NCOA2: variants seen among roughly 807,000 people sequenced by gnomAD.
NCOA2 encodes the protein class E basic helix-loop-helix protein 75.
NCOA2 carries 21 observed loss-of-function variants against 145.1 expected under a neutral mutation model. That is an observed-to-expected ratio of 0.14 (90% confidence interval 0.10 to 0.21). The LOEUF is 0.21. Among genes scored for constraint, NCOA2 ranks in the 10% least tolerant of loss-of-function variants. The probability of loss-of-function intolerance (pLI) is 1.00; values close to 1 mark genes in which losing one functional copy is unlikely to be tolerated. For synonymous variants in NCOA2, 619 were observed against 637.5 expected (o/e 0.97, Z 0.44); for missense variants, 1,472 against 1,837.6 (o/e 0.80, Z 3.64).
Position 70,232,553 on chromosome 8 carries a change from C to G in NCOA2, c.-19-15789G>C, listed in dbSNP as rs559134105. On this transcript the variant is annotated intron_variant, in intron 2 of 22. Coordinates refer to ENST00000452400, the MANE Select transcript of NCOA2 (RefSeq NM_006540.4). ...TCCTGCTTAGAAAGATAGCCAACTC[C>G]ATCTTCAACATCACTTCTGGTGTCT... 2.0e-5 allele frequency among the ~76,000 whole-genome samples: 3 copies of G among 152,262 alleles called. No individual in the cohort carries two copies. The South Asian group carries it at 6.2e-4, about 32-fold the overall frequency.
intron 1 of NCOA2, among the ~76,000 whole-genome samples, chr8:70,367,890 G>A (rs1810857092): frequency 6.6e-6 from 1 of 152,094 alleles, no homozygotes; most frequent in South Asian, 2.1e-4. Context: ...ATTATTTCTA[G>A]CCCTAAAATT....
At chr8:70,453,799 A>G in the NCOA2 span, among the ~76,000 whole-genome samples, 9 of 152,228 alleles carry the variant, frequency 5.9e-5, no homozygotes, top group Non-Finnish European at 4.4e-5. Flanking sequence ...TTGCCCTCAA[A>G]GACTTTACAG....
chr8:70,126,896 G>A lies in NCOA2; in HGVS notation c.3833C>T (p.Ala1278Val), dbSNP rs1202466794. The A allele has an allele frequency of 6.2e-7, 1 of 1,613,998 alleles. No individual in the cohort carries two copies. The highest frequency in any genetic ancestry group is 8.5e-7 in the Non-Finnish European group (1 of 1,179,894). ...QGLNMTPSMVAPSGMPATMSN... is the reference protein window; with the variant it reads ...QGLNMTPSMVVPSGMPATMSN... ...CATAGTTGCTGGCATACCACTAGGA[G>A]CCACCATGCTTGGTGTCATATTCAA... The change falls in exon 19 of 23, where the codon GCT becomes GTT. Residue 1278 changes from alanine (A) to valine (V), a missense_variant. Physicochemically the swap from Ala to Val is moderately conservative, Grantham distance 64 (BLOSUM62 0). Coordinates refer to ENST00000452400, the MANE Select transcript of NCOA2 (RefSeq NM_006540.4).
intron 5 of NCOA2, among the ~76,000 whole-genome samples, chr8:70,173,767 C>T (rs1247084679): frequency 6.6e-6 from 1 of 151,790 alleles, no homozygotes; most frequent in African/African-American, 2.4e-5. Flanking sequence ...TATTGTGTGC[C>T]CCCCCTCCGC....
intron 15 of NCOA2, among the ~76,000 whole-genome samples, chr8:70,133,907 G>A (rs1181023996): frequency 6.6e-6 from 1 of 152,166 alleles, no homozygotes; most frequent in Admixed American, 6.5e-5. Context: ...CTCACCTCTA[G>A]TAACTTGGAA....
intron 6 of NCOA2, among the ~76,000 whole-genome samples, chr8:70,167,510 T>G (rs1813750813): frequency 6.6e-6 from 1 of 152,206 alleles, no homozygotes; most frequent in South Asian, 2.1e-4. Context: ...TCCCCCATAC[T>G]GCCTCCTTGG....
rs1048944963 is a variant in NCOA2, at chr8:70,112,477, G to C, written c.*1155C>G. ...AACAAAATAAAAAACACATGGCAGA[G>C]GTTAAATCTGTCGTGATATCTGCTA... On this transcript the variant is annotated 3_prime_UTR_variant, in exon 23 of 23. Coordinates refer to ENST00000452400, the MANE Select transcript of NCOA2 (RefSeq NM_006540.4). The C allele has an allele frequency of 1.5e-5, 3 of 201,342 alleles. No homozygotes were observed. The highest frequency in any genetic ancestry group is 2.3e-5 in the African/African-American group (1 of 43,532). The allele number at this position is 201,342 out of a possible 1,614,324, so 12.5% of individuals were successfully genotyped here. A position where few individuals can be genotyped will look rare whatever the true frequency, so the allele number is the denominator to read the frequency against.
intron 2 of NCOA2, chr8:70,273,799 T>A (rs1825253625): frequency 1.7e-6 from 1 of 577,914 alleles, no homozygotes; most frequent in Non-Finnish European, 3.3e-6. Flanking sequence ...GTTCCAGATC[T>A]TGTGGAGAAT....
chr8:70,189,896 G>C (rs1816494413), intron 4 of NCOA2, among the ~76,000 whole-genome samples: 1 of 152,180 alleles, frequency 6.6e-6, no homozygotes, highest in African/African-American at 2.4e-5. Flanking sequence ...CTTGTTTGGA[G>C]AGTATAGGAA....
chr8:70,328,724 CTT>C (rs1287585511), intron 1 of NCOA2, among the ~76,000 whole-genome samples: 1 of 152,028 alleles, frequency 6.6e-6, no homozygotes, highest in African/African-American at 2.4e-5. Context: ...TAAAAAATAA[CTT>C]TTCATTTGCA....
chr8:70,353,706 A>G (rs940816720), intron 1 of NCOA2, among the ~76,000 whole-genome samples: 17 of 151,934 alleles, frequency 1.1e-4, no homozygotes, highest in African/African-American at 3.6e-4. Context: ...ATCAATACCA[A>G]TAACAATGGC....
chr8:70,335,143 AAAAAAAAAAAG>A (rs1389079999), intron 1 of NCOA2, among the ~76,000 whole-genome samples: 4 of 149,498 alleles, frequency 2.7e-5, no homozygotes, highest in South Asian at 2.1e-4. Flanking sequence ...AAAAAAAAAA[AAAAAAAAAAAG>A]ATCTCTCCCT....
intron 10 of NCOA2, among the ~76,000 whole-genome samples, chr8:70,159,242 A>ATATATATATATATATATAT: frequency 1.6e-5 from 1 of 61,076 alleles, no homozygotes; most frequent in African/African-American, 5.4e-5. Context: ...ATATATATAT[A>ATATATATATATATATATAT]TTTTTTTTTT....
At chr8:70,177,143 T>C (rs903687709) in intron 4 of NCOA2, among the ~76,000 whole-genome samples, 12 of 152,158 alleles carry the variant, frequency 7.9e-5, no homozygotes, top group African/African-American at 2.7e-4. Context: ...CATCTTTCAG[T>C]AGCAGCAGTG....
intron 1 of NCOA2, among the ~76,000 whole-genome samples, chr8:70,363,086 A>G (rs1483837744): frequency 2.7e-5 from 4 of 148,964 alleles, no homozygotes; most frequent in Middle Eastern, 3.4e-3. Context: ...CTTTAAAAAA[A>G]AAAAAAAAAA....
At chr8:70,344,333 T>C (rs771949785) in intron 1 of NCOA2, among the ~76,000 whole-genome samples, 1 of 152,172 alleles carries the variant, frequency 6.6e-6, no homozygotes, top group Non-Finnish European at 1.5e-5. Flanking sequence ...AAGATAGACA[T>C]GGGTAAGGAA....
the NCOA2 span, among the ~76,000 whole-genome samples, chr8:70,444,187 A>G: frequency 6.6e-6 from 1 of 152,250 alleles, no homozygotes; most frequent in South Asian, 2.1e-4. Context: ...ACTAAGCATT[A>G]ATAGAGTCAA....
intron 2 of NCOA2, among the ~76,000 whole-genome samples, chr8:70,295,610 C>A (rs887741247): frequency 6.6e-6 from 1 of 152,030 alleles, no homozygotes; most frequent in Admixed American, 6.5e-5. Flanking sequence ...GAGCTATATA[C>A]CTTAAGTTCA....
At chr8:70,314,745 A>G (rs1444438788) in intron 1 of NCOA2, among the ~76,000 whole-genome samples, 3 of 152,232 alleles carry the variant, frequency 2.0e-5, no homozygotes, top group Non-Finnish European at 2.9e-5. Flanking sequence ...TTAAAACTGT[A>G]TTATTGTATG....
Sources: gnomAD v4.1 joint callset for allele counts (sites outside exome capture counted in the v4.1 genomes callset) on GRCh38, gnomAD v4.1.1 for gene constraint, MANE v1.5 for transcripts, NCBI Gene and HGNC (gene_info 2026-07-23, HGNC 2026-07-21) for gene names.